The following ARID4A variants were observed in gnomAD, a reference collection of about 807,000 sequenced individuals.
ARID4A encodes AT-rich interaction domain 4A, also known as AT-rich interactive domain-containing protein 4A.
A neutral mutation model predicts 148.6 loss-of-function variants in ARID4A; 39 were observed. That is an observed-to-expected ratio of 0.26 (90% CI 0.20 to 0.34). ARID4A has a LOEUF of 0.34. ARID4A is among the 10% of genes least tolerant of loss of function. The pLI is 1.00. For missense variants in ARID4A, 1,265 were observed against 1,449.1 expected (o/e 0.87, Z 2.06); for synonymous variants, 475 against 481.2 (o/e 0.99, Z 0.17).
intron 16 of ARID4A, chr14:58,351,631 G>C (rs2034640825): frequency 4.3e-6 from 1 of 232,850 alleles, no homozygotes; most frequent in Non-Finnish European, 8.3e-6. Flanking sequence ...AATGGAGGAA[G>C]TGGACAAGAG....
intron 17 of ARID4A, 32 bp from the exon 18 acceptor site, chr14:58,359,100 A>G: frequency 2.6e-6 from 4 of 1,513,354 alleles, no homozygotes; most frequent in Non-Finnish European, 3.6e-6. Flanking sequence ...TAAAGTTTGT[A>G]CAAACTCTTT....
At position 58,318,876 on chromosome 14, in the gene ARID4A, A is replaced by G. The variant is rs567200415; in HGVS notation, c.449+71A>G. The G allele has an allele frequency of 3.1e-6, 4 of 1,284,680 alleles. No individual in the cohort carries two copies. The African/African-American group carries it at 6.0e-5, about 19-fold the overall frequency. The allele number at this position is 1,284,680 out of a possible 1,614,324, so 79.6% of individuals were successfully genotyped here. On this transcript the variant is annotated intron_variant, in intron 7 of 23. Coordinates refer to ENST00000355431, the MANE Select transcript of ARID4A (RefSeq NM_002892.4). The stretch of plus-strand genomic sequence containing the variant: ...ACCTTAAACAAGGGATTTTGTTAGG[A>G]TGGCTAAATTCATTTGGGTAAGCTT...
intron 11 of ARID4A, among the ~76,000 whole-genome samples, chr14:58,340,943 G>A (rs1210904317): frequency 6.6e-6 from 1 of 152,180 alleles, no homozygotes; most frequent in Non-Finnish European, 1.5e-5. Context: ...TCATTCACAT[G>A]AGTAATGTCT....
At chr14:58,319,954 T>C (rs1185431216) in intron 7 of ARID4A, among the ~76,000 whole-genome samples, 8 of 146,718 alleles carry the variant, frequency 5.5e-5, no homozygotes, top group African/African-American at 9.9e-5. Flanking sequence ...TTTTCTTTTT[T>C]TTTTTTTTTT....
At chr14:58,300,666 C>G (rs1486186849) in intron 2 of ARID4A, among the ~76,000 whole-genome samples, 3 of 151,924 alleles carry the variant, frequency 2.0e-5, no homozygotes, top group Non-Finnish European at 4.4e-5. Flanking sequence ...CATATTTAAC[C>G]TTCTTTAATA....
In ARID4A at chr14:58,361,076, G is replaced by GCTCAC. The variant is rs747394574; in HGVS notation, c.2080+38_2080+42dup. On this transcript the variant is annotated intron_variant, in intron 19 of 23. Transcript: ENST00000355431. Reference sequence around the variant, plus strand: ...AGTGCTCGCAGCAATATACCAGACAGCTCACCTCTGTCAAATGGAATGGAA... The same window carrying GCTCAC: ...AGTGCTCGCAGCAATATACCAGACAGCTCACCTCACCTCTGTCAAATGGAATGGAA... 4 of 1,576,672 alleles carry GCTCAC rather than the reference G, an allele frequency of 2.5e-6. No homozygotes were observed. The East Asian group carries it at 9.1e-5, about 36-fold the overall frequency.
intron 5 of ARID4A, among the ~76,000 whole-genome samples, chr14:58,315,282 T>A (rs1031725505): frequency 6.6e-6 from 1 of 152,170 alleles, no homozygotes; most frequent in Non-Finnish European, 1.5e-5. Flanking sequence ...TTAAGTGAAA[T>A]GAATTTTTCC....
At chr14:58,337,003 T>C (rs951105057) in intron 11 of ARID4A, among the ~76,000 whole-genome samples, 3 of 151,160 alleles carry the variant, frequency 2.0e-5, no homozygotes, top group Non-Finnish European at 2.9e-5. Context: ...GTGATTTTCA[T>C]GCTTCAGCCT....
Position 58,328,645 on chromosome 14 carries a change from T to C in ARID4A, c.662+329T>C, listed in dbSNP as rs866788355. 2.0e-5 allele frequency among the ~76,000 whole-genome samples: 3 copies of C among 152,290 alleles called. No individual in the cohort carries two copies. In the South Asian group the frequency reaches 6.2e-4, roughly 32 times the overall value. ...TGACATTTATTATTAACTCCGAAGC[T>C]TATTTTTTAATCTCTATTACAAGAG... On this transcript the variant is annotated intron_variant, in intron 9 of 23. Transcript: ENST00000355431.
chr14:58,337,648 A>G (rs1256567687), intron 11 of ARID4A, among the ~76,000 whole-genome samples: 3 of 152,146 alleles, frequency 2.0e-5, no homozygotes, highest in East Asian at 1.9e-4. Flanking sequence ...AATTTCTTAC[A>G]TAATTTTGTG....
At chr14:58,301,041 A>G (rs1208658828) in intron 2 of ARID4A, among the ~76,000 whole-genome samples, 1 of 152,240 alleles carries the variant, frequency 6.6e-6, no homozygotes, top group East Asian at 1.9e-4. Context: ...ATCTGCATTC[A>G]TCGGCTGAAT....
At chr14:58,327,343 T>C (rs1032117216) in intron 8 of ARID4A, among the ~76,000 whole-genome samples, 8 of 152,178 alleles carry the variant, frequency 5.3e-5, no homozygotes, top group African/African-American at 1.9e-4. Context: ...TTAATCAGCT[T>C]TTAAAAAATA....
intron 11 of ARID4A, among the ~76,000 whole-genome samples, chr14:58,343,567 G>A (rs571059527): frequency 6.6e-6 from 1 of 152,112 alleles, no homozygotes; most frequent in African/African-American, 2.4e-5. Flanking sequence ...TGTGGCTTAT[G>A]CCTGTAATCC....
At chr14:58,366,003 A>C (rs1335932168) in intron 21 of ARID4A, 21 bp from the exon 22 acceptor site, 2 of 1,554,208 alleles carry the variant, frequency 1.3e-6, no homozygotes, top group African/African-American at 2.8e-5. Context: ...AATCTGAGTC[A>C]ATCTTTTTTA....
intron 23 of ARID4A, among the ~76,000 whole-genome samples, chr14:58,369,051 A>C (rs953443750): frequency 6.6e-6 from 1 of 152,312 alleles, no homozygotes; most frequent in East Asian, 1.9e-4. Context: ...ATTTAAAAAA[A>C]ATAATAAGGC....
chr14:58,347,010 A>C lies in ARID4A; in HGVS notation c.1075-10A>C. 7.6e-7 allele frequency: 1 copy of C among 1,309,434 alleles called. No homozygotes were observed. Among genetic ancestry groups the C allele is most frequent in the Non-Finnish European group, 1.0e-6 (1 of 983,852 alleles). The allele number at this position is 1,309,434 out of a possible 1,614,324, so 81.1% of individuals were successfully genotyped here. A position where few individuals can be genotyped will look rare whatever the true frequency, so the allele number is the denominator to read the frequency against. On this transcript the variant is annotated splice_polypyrimidine_tract_variant and intron_variant, in intron 13 of 23. Coordinates refer to ENST00000355431, the MANE Select transcript of ARID4A (RefSeq NM_002892.4). ...TTTGCAAATGTTAACATAAAAACTT[A>C]ATTTTCCAGATTGATAGTGGTGCTG...
Position 58,365,077 on chromosome 14 carries a change from T to C in ARID4A, c.2988T>C (p.Pro996=). ...TTGTTTCTATTCCACCTGCCCTACC[T>C]CCTGTAGTCCAACATAACTTTTCAG... ...NSLVSIPPAL[P]PVVQHNFSVA... is the part of the protein sequence containing the mutation. Residue 996 remains proline (P), a synonymous_variant, in exon 20 of 24, where the codon CCT becomes CCC. Transcript: ENST00000355431. 1 of 1,614,128 alleles carries C rather than the reference T, an allele frequency of 6.2e-7. No homozygotes were observed. The highest frequency in any genetic ancestry group is 8.5e-7 in the Non-Finnish European group (1 of 1,180,014).
intron 11 of ARID4A, among the ~76,000 whole-genome samples, chr14:58,334,393 T>C (rs1421630850): frequency 2.0e-5 from 3 of 152,290 alleles, no homozygotes; most frequent in African/African-American, 7.2e-5. Flanking sequence ...TTAAAACTGT[T>C]CTCTGAAATT....
chr14:58,364,425 CAGA>C lies in ARID4A; in HGVS notation c.2342_2344del (p.Glu781del), dbSNP rs761977424. Reference sequence around the variant, plus strand: ...ATTTTTGGGAACAAAATGGAAAAAACAGAAGAAGTTAAGAAAGAAGCCGAAAAA... The same window carrying C: ...ATTTTTGGGAACAAAATGGAAAAAACAGAAGTTAAGAAAGAAGCCGAAAAA... On this transcript the variant is annotated inframe_deletion, in exon 20 of 24. Transcript: ENST00000355431. The C allele has an allele frequency of 3.1e-6, 5 of 1,612,388 alleles. No individual in the cohort carries two copies. In the South Asian group the frequency reaches 3.3e-5, roughly 11 times the overall value.
Sources: gnomAD v4.1 joint callset for allele counts (sites outside exome capture counted in the v4.1 genomes callset) on GRCh38, gnomAD v4.1.1 for gene constraint, MANE v1.5 for transcripts, NCBI Gene and HGNC (gene_info 2026-07-23, HGNC 2026-07-21) for gene names.